The following LPIN2 variants were observed in gnomAD, a reference collection of about 807,000 sequenced individuals.
LPIN2 encodes the protein lipin 2, also known as phosphatidate phosphatase LPIN2.
LPIN2 carries 55 observed loss-of-function variants against 111.4 expected under a neutral mutation model. The observed-to-expected ratio is 0.49, with a 90% confidence interval of 0.40 to 0.62. The LOEUF is 0.62. Ranked by LOEUF, LPIN2 falls within the 20% of genes least tolerant of loss-of-function variation. LPIN2 has a pLI of 0.00. For missense variants in LPIN2, 992 were observed against 1,112.1 expected, an observed-to-expected ratio of 0.89 and a Z score of 1.54; for synonymous variants, 425 against 414.0, an observed-to-expected ratio of 1.03 and a Z score of -0.32.
At chr18:2,954,661 C>T in intron 2 of LPIN2, 62 bp from the exon 3 acceptor site, 1 of 1,163,726 alleles carries the variant, frequency 8.6e-7, no homozygotes, top group South Asian at 1.2e-5. Context: ...TTAAACTAAA[C>T]CAGAACTCTG....
intron 1 of LPIN2, among the ~76,000 whole-genome samples, chr18:2,986,297 T>C (rs931534609): frequency 6.6e-6 from 1 of 152,226 alleles, no homozygotes; most frequent in Non-Finnish European, 1.5e-5. Flanking sequence ...TGTTTCATAA[T>C]ATCCTCATAT....
chr18:2,942,674 A>C (rs1214918178), intron 4 of LPIN2, among the ~76,000 whole-genome samples: 1 of 152,216 alleles, frequency 6.6e-6, no homozygotes. Context: ...ACAGCCCATT[A>C]GTCTAGGCCC....
intron 7 of LPIN2, among the ~76,000 whole-genome samples, 153 bp downstream of exon 7, chr18:2,937,539 C>A (rs1373352095): frequency 8.5e-6 from 1 of 117,432 alleles, no homozygotes. Context: ...GAGCGAAACT[C>A]CAGCTAAAAA....
At chr18:3,012,482 C>A (rs1423090265) in intron 1 of LPIN2, among the ~76,000 whole-genome samples, 22 of 115,220 alleles carry the variant, frequency 1.9e-4, no homozygotes, top group Non-Finnish European at 5.0e-5. Flanking sequence ...AAATTAAGAT[C>A]TGCACCGGGG....
chr18:2,952,820 G>A (rs2077556919), intron 3 of LPIN2, among the ~76,000 whole-genome samples: 1 of 152,120 alleles, frequency 6.6e-6, no homozygotes, highest in Non-Finnish European at 1.5e-5. Flanking sequence ...GCAAGAAAAT[G>A]GTTAAACAAA....
At chr18:2,970,264 A>G (rs1300779574) in intron 1 of LPIN2, among the ~76,000 whole-genome samples, 3 of 152,258 alleles carry the variant, frequency 2.0e-5, no homozygotes, top group African/African-American at 7.2e-5. Flanking sequence ...TTCAGTGCTC[A>G]GAGAGGCACC....
intron 2 of LPIN2, among the ~76,000 whole-genome samples, chr18:2,955,910 T>A (rs2057838312): frequency 6.6e-6 from 1 of 151,838 alleles, no homozygotes; most frequent in South Asian, 2.1e-4. Context: ...AGCGAAACTC[T>A]CTCAAAAAGA....
chr18:2,945,924 TAAG>T (rs1156715974), intron 4 of LPIN2: 1 of 1,420,546 alleles, frequency 7.0e-7, no homozygotes, highest in Non-Finnish European at 9.9e-7. Context: ...CCTCTTGGTC[TAAG>T]AATGTATTAA....
At chr18:3,012,975 C>T (rs1598622895) in intron 1 of LPIN2, 112 bp downstream of exon 1, 1 of 150,918 alleles carries the variant, frequency 6.6e-6, no homozygotes, top group East Asian at 1.9e-4. Flanking sequence ...CGGAGGGTCC[C>T]GGCCTCCGGC....
rs78733465 is a variant in LPIN2 at position 2,968,255 on chromosome 18, G to A, written c.-9-7406C>T. Among the ~76,000 whole-genome samples, 304 of 152,222 alleles carry A rather than the reference G, an allele frequency of 2.0e-3. 9 individuals are homozygous for A. In the East Asian group the frequency reaches 0.056, roughly 28 times the overall value. On this transcript the variant is annotated intron_variant, in intron 1 of 19. Transcript: ENST00000677752. ...CAGCTTTTTCATCACAATGAAAAAG[G>A]AAATCTGGAAGAAGCCTTACCCGGG...
At chr18:2,924,726 G>A (rs1196689339) in intron 14 of LPIN2, among the ~76,000 whole-genome samples, 180 bp from the exon 15 acceptor site, 1 of 152,152 alleles carries the variant, frequency 6.6e-6, no homozygotes, top group African/African-American at 2.4e-5. Context: ...GCCACTGCCT[G>A]AACAGTATTT....
chr18:2,934,004 T>C (rs1318754441), intron 8 of LPIN2, among the ~76,000 whole-genome samples: 1 of 152,244 alleles, frequency 6.6e-6, no homozygotes, highest in African/African-American at 2.4e-5. Flanking sequence ...ATGTGTTTCT[T>C]TTAAAACACA....
intron 19 of LPIN2, 101 bp from the exon 20 acceptor site, chr18:2,920,538 G>C: frequency 3.0e-6 from 4 of 1,338,344 alleles, no homozygotes; most frequent in Non-Finnish European, 3.2e-6. Context: ...TGCTCAGGTG[G>C]GCAGGTTCAG....
rs563023966 is a variant in LPIN2 at position 2,920,042 on chromosome 18, G to C, written c.*251C>G. On this transcript the variant is annotated 3_prime_UTR_variant, in exon 20 of 20. Transcript: ENST00000677752. ...AGCTCACAGCAGGAAACATGTGTGC[G>C]ACCCACAAAGGAGGGATCCCAGGCC... The C allele has an allele frequency of 7.0e-6, 4 of 573,554 alleles. No individual in the cohort carries two copies. Among genetic ancestry groups the C allele is most frequent in the Admixed American group, 3.0e-5 (1 of 33,108 alleles). The allele number at this position is 573,554 out of a possible 1,614,324, so 35.5% of individuals were successfully genotyped here.
At position 2,934,366 on chromosome 18, in the gene LPIN2, A is replaced by G; in HGVS notation, c.1253T>C (p.Leu418Pro). The change falls in exon 8 of 20, where the codon CTT (leucine) becomes CCT (proline). Residue 418 changes from leucine (L) to proline (P), a missense_variant. By Grantham distance (98) the Leu-to-Pro change is moderately conservative. Transcript: ENST00000677752. ...ACCACTCTACCTTTTAGGGAAATAAAGAGCTGCAACTTCAGGTTCTAGACC... is the reference window on the plus strand; with the variant it reads ...ACCACTCTACCTTTTAGGGAAATAAGGAGCTGCAACTTCAGGTTCTAGACC... ...LKGLEPEVAA[L>P]YFPKSESEPG... 1.2e-6 allele frequency: 2 copies of G among 1,611,874 alleles called. No homozygotes were observed. The highest frequency in any genetic ancestry group is 2.2e-5 in the East Asian group (1 of 44,830).
chr18:2,994,473 T>C (rs559702959), intron 1 of LPIN2, among the ~76,000 whole-genome samples: 164 of 152,352 alleles, frequency 1.1e-3, no homozygotes, highest in African/African-American at 3.6e-3. Context: ...ACTGGATTTA[T>C]AGCTTTAAAA....
At chr18:2,973,692 A>G (rs2077960521) in intron 1 of LPIN2, among the ~76,000 whole-genome samples, 1 of 152,252 alleles carries the variant, frequency 6.6e-6, no homozygotes, top group South Asian at 2.1e-4. Flanking sequence ...TGAATTTTGG[A>G]TATTTTCAGA....
chr18:3,007,921 T>C (rs1166668161), intron 1 of LPIN2, among the ~76,000 whole-genome samples: 1 of 152,222 alleles, frequency 6.6e-6, no homozygotes. Flanking sequence ...TTTAAAGCCA[T>C]GTCTCCAGTG....
intron 8 of LPIN2, among the ~76,000 whole-genome samples, chr18:2,933,059 A>G (rs1415822918): frequency 2.0e-5 from 3 of 152,242 alleles, no homozygotes; most frequent in African/African-American, 7.2e-5. Flanking sequence ...TGTGATTTAT[A>G]TTAAAGTTTA....
Sources: gnomAD v4.1 joint callset for allele counts (sites outside exome capture counted in the v4.1 genomes callset) on GRCh38, gnomAD v4.1.1 for gene constraint, MANE v1.5 for transcripts, NCBI Gene and HGNC (gene_info 2026-07-23, HGNC 2026-07-21) for gene names.